Variants in PDE1C observed in about 807,000 individuals in gnomAD.
The protein encoded by PDE1C is phosphodiesterase 1C, also known as dual specificity calcium/calmodulin-dependent 3',5'-cyclic nucleotide phosphodiesterase 1C.
In PDE1C, 62 loss-of-function variants were observed where a neutral mutation model predicts 93.1. The ratio of observed to expected loss-of-function variants is 0.67; its 90% CI spans 0.54 to 0.82. PDE1C has a LOEUF of 0.82. Ranked by LOEUF, PDE1C falls within the 40% of genes least tolerant of loss-of-function variation. The probability of loss-of-function intolerance (pLI) is 0.00; values close to 1 mark genes in which losing one functional copy is unlikely to be tolerated. For missense variants in PDE1C, 742 were observed against 884.6 expected (o/e 0.84, Z 2.04); for synonymous variants, 325 against 310.1 (o/e 1.05, Z -0.50).
the PDE1C span, among the ~76,000 whole-genome samples, chr7:31,630,531 C>T: frequency 6.6e-6 from 1 of 152,112 alleles, no homozygotes; most frequent in African/African-American, 2.4e-5. Context: ...GATTCTGAGG[C>T]TGAATTTCAG....
chr7:31,997,376 C>T (rs796243200), intron 2 of PDE1C, among the ~76,000 whole-genome samples: 4 of 152,330 alleles, frequency 2.6e-5, no homozygotes, highest in African/African-American at 9.6e-5. Flanking sequence ...CCACTCCCAT[C>T]CCTCACCCCC....
chr7:31,735,535 C>A, the PDE1C span, among the ~76,000 whole-genome samples: 2 of 152,172 alleles, frequency 1.3e-5, no homozygotes, highest in African/African-American at 4.8e-5. Flanking sequence ...GACTTCAGAT[C>A]CTGCCCTGGA....
At chr7:32,423,586 G>A (rs995905) in intron 1 of PDE1C, among the ~76,000 whole-genome samples, 106,308 of 152,016 alleles carry the variant, frequency 0.7, 38,100 homozygotes, top group Non-Finnish European at 0.78. Context: ...AAGCCTGAGC[G>A]TCTGTAATTA....
At chr7:31,700,215 G>C in the PDE1C span, among the ~76,000 whole-genome samples, 5 of 152,194 alleles carry the variant, frequency 3.3e-5, no homozygotes, top group Admixed American at 2.6e-4. Context: ...AAAAGTTCTT[G>C]AAGGAAATTA....
At position 32,129,770 on chromosome 7, in the gene PDE1C, T is replaced by C. The variant is rs1403530719; in HGVS notation, c.308+40015A>G. Reference sequence around the variant, plus strand: ...TAGTATAACTTCTTTATTGCTTACATTCAAAGACTCCAAATTGTTTTAATG... The same window carrying C: ...TAGTATAACTTCTTTATTGCTTACACTCAAAGACTCCAAATTGTTTTAATG... On this transcript the variant is annotated intron_variant, in intron 3 of 18. Coordinates refer to the PDE1C transcript ENST00000396193. Among the ~76,000 whole-genome samples the C allele has an allele frequency of 2.6e-5, 4 of 152,102 alleles. No homozygotes were observed. The South Asian group carries it at 6.2e-4, about 24-fold the overall frequency.
chr7:32,222,136 A>G (rs1321456903), intron 1 of PDE1C, among the ~76,000 whole-genome samples: 8 of 152,298 alleles, frequency 5.3e-5, no homozygotes, highest in Admixed American at 5.2e-4. Context: ...GCACATATGC[A>G]CACACATACA....
At chr7:32,126,381 C>T (rs368150239) in intron 3 of PDE1C, among the ~76,000 whole-genome samples, 1 of 152,184 alleles carries the variant, frequency 6.6e-6, no homozygotes, top group Non-Finnish European at 1.5e-5. Flanking sequence ...GAACTCAGGC[C>T]GTCTGGCTCC....
chr7:31,658,292 T>C, the PDE1C span: 1 of 1,502,114 alleles, frequency 6.7e-7, no homozygotes, highest in Non-Finnish European at 8.8e-7. Flanking sequence ...TCTGCAGAGC[T>C]GGATCCCTTT....
At chr7:32,013,970 T>G (rs1363480395) in intron 2 of PDE1C, among the ~76,000 whole-genome samples, 1 of 152,206 alleles carries the variant, frequency 6.6e-6, no homozygotes, top group African/African-American at 2.4e-5. Flanking sequence ...AATTTCAACT[T>G]AAAGCTCTTT....
chr7:32,058,470 G>A (rs1318239759), intron 1 of PDE1C, among the ~76,000 whole-genome samples: 4 of 152,338 alleles, frequency 2.6e-5, no homozygotes, highest in Admixed American at 1.3e-4. Context: ...AAATGAGTGA[G>A]GATCTGAACG....
chr7:32,218,998 C>T (rs4723135), intron 1 of PDE1C, among the ~76,000 whole-genome samples: 85,280 of 152,098 alleles, frequency 0.56, 24,147 homozygotes, highest in South Asian at 0.68. Flanking sequence ...GGCCTGGCCC[C>T]GAGCTTCCTG....
chr7:32,186,103 T>C (rs753446248), intron 2 of PDE1C, among the ~76,000 whole-genome samples: 2 of 144,522 alleles, frequency 1.4e-5, no homozygotes, highest in East Asian at 3.9e-4. Flanking sequence ...TTTTTTTTTT[T>C]TTTTTTTTTT....
intron 2 of PDE1C, among the ~76,000 whole-genome samples, chr7:31,975,341 T>C (rs960687319): frequency 9.9e-5 from 15 of 152,188 alleles, no homozygotes; most frequent in African/African-American, 3.6e-4. Flanking sequence ...CTATAAATAC[T>C]TTTTCCTTAC....
chr7:31,921,866 G>A lies in PDE1C; in HGVS notation c.129-41006C>T, dbSNP rs111837070. ...TAATAATAAAACATAATTATTTGCAGAACATTGATGTTGTATCAAGCACTA... is the reference window on the plus strand; with the variant it reads ...TAATAATAAAACATAATTATTTGCAAAACATTGATGTTGTATCAAGCACTA... On this transcript the variant is annotated intron_variant, in intron 2 of 17. Coordinates refer to ENST00000396191, the MANE Select transcript of PDE1C (RefSeq NM_001191057.4). Among the ~76,000 whole-genome samples, 926 of 152,212 alleles carry A rather than the reference G, an allele frequency of 6.1e-3. 10 individuals are homozygous for A. The highest frequency in any genetic ancestry group is 0.021 in the African/African-American group (855 of 41,534).
intron 15 of PDE1C, among the ~76,000 whole-genome samples, chr7:31,811,212 C>T (rs1259758892): frequency 6.6e-6 from 1 of 152,080 alleles, no homozygotes; most frequent in Non-Finnish European, 1.5e-5. Flanking sequence ...TTGCTTGGTT[C>T]TCATTCTTTC....
At chr7:32,331,365 A>C (rs1437834559) in intron 1 of PDE1C, among the ~76,000 whole-genome samples, 1 of 152,202 alleles carries the variant, frequency 6.6e-6, no homozygotes, top group African/African-American at 2.4e-5. Flanking sequence ...CCCTGCCTTC[A>C]TGGAGTTTAC....
intron 2 of PDE1C, among the ~76,000 whole-genome samples, chr7:32,041,067 C>T (rs909050599): frequency 1.4e-4 from 22 of 152,258 alleles, no homozygotes; most frequent in African/African-American, 4.8e-4. Flanking sequence ...CACTGAATTC[C>T]GGTACTGAAG....
At chr7:31,739,775 CA>C in the PDE1C span, among the ~76,000 whole-genome samples, 1 of 152,070 alleles carries the variant, frequency 6.6e-6, no homozygotes, top group Non-Finnish European at 1.5e-5. Context: ...CCCAACTAAA[CA>C]AAAATGTAAA....
the PDE1C span, among the ~76,000 whole-genome samples, chr7:31,667,581 T>C: frequency 6.6e-6 from 1 of 152,108 alleles, no homozygotes; most frequent in Non-Finnish European, 1.5e-5. Flanking sequence ...GGCCTTGCTT[T>C]CATATGGTTC....
Sources: allele counts gnomAD v4.1 joint callset (sites outside exome capture counted in the v4.1 genomes callset), GRCh38; gene constraint gnomAD v4.1.1; transcripts MANE v1.5; gene names NCBI Gene and HGNC (gene_info 2026-07-23, HGNC 2026-07-21).